DEPDC1: variants seen among roughly 807,000 people sequenced by gnomAD.
DEPDC1 encodes the protein DEP domain-containing protein 1A.
In DEPDC1, 66 loss-of-function variants were observed where a neutral mutation model predicts 86.8. The observed-to-expected ratio is 0.76, with a 90% CI of 0.62 to 0.93. DEPDC1 has a LOEUF of 0.93. Ranked by LOEUF, DEPDC1 falls within the 40% of genes least tolerant of loss-of-function variation. The pLI, the probability that DEPDC1 is intolerant of heterozygous loss-of-function variation, is 0.00. For missense variants in DEPDC1, 792 were observed against 935.7 expected (o/e 0.85, Z 2.00); for synonymous variants, 255 against 314.9 (o/e 0.81, Z 2.02).
chr1:68,489,698 C>G (rs1316388431), intron 2 of DEPDC1, 90 bp from the exon 3 acceptor site: 9 of 953,548 alleles, frequency 9.4e-6, no homozygotes, highest in Non-Finnish European at 1.4e-5. Context: ...CATAAAGAGC[C>G]TGACTTATTA....
At chr1:68,490,631 T>C (rs1646223475) in intron 2 of DEPDC1, among the ~76,000 whole-genome samples, 1 of 152,130 alleles carries the variant, frequency 6.6e-6, no homozygotes, top group South Asian at 2.1e-4. Context: ...AAAGGGATTG[T>C]TAGGTTAAAT....
intron 7 of DEPDC1, chr1:68,483,127 A>G (rs921908612): frequency 3.6e-6 from 2 of 559,914 alleles, no homozygotes; most frequent in African/African-American, 3.8e-5. Context: ...ATAACTTTAA[A>G]AAATTATTTC....
chr1:68,478,106 T>G, intron 10 of DEPDC1, 134 bp from the exon 11 acceptor site: 1 of 554,272 alleles, frequency 1.8e-6, no homozygotes, highest in Non-Finnish European at 2.8e-6. Context: ...AACTATGTAT[T>G]ATGCAGTAGA....
chr1:68,492,594 C>T (rs745794990), intron 2 of DEPDC1, among the ~76,000 whole-genome samples: 3 of 152,088 alleles, frequency 2.0e-5, no homozygotes, highest in Non-Finnish European at 4.4e-5. Context: ...GTAGTCCCCA[C>T]TACTTTGGAG....
intron 10 of DEPDC1, among the ~76,000 whole-genome samples, chr1:68,478,634 C>T (rs1278748851): frequency 6.6e-6 from 1 of 151,864 alleles, no homozygotes; most frequent in Non-Finnish European, 1.5e-5. Context: ...ATTTTGGCTG[C>T]TCAGTATTCC....
At position 68,494,571 on chromosome 1, in the gene DEPDC1, C is replaced by T. The variant is rs1231880015; in HGVS notation, c.173G>A (p.Arg58Lys). ...EAVDWLYDLLRNNSNFGPEVT... is the reference protein window; with the variant it reads ...EAVDWLYDLLKNNSNFGPEVT... ...TTCAGGACCAAAATTGCTATTATTT[C>T]TTAATAGGTCATAAAGCCAATCCAC... Residue 58 changes from arginine to lysine, a missense_variant, in exon 2 of 12, where the codon AGA becomes AAA. By Grantham distance (26) the Arg-to-Lys change is conservative. Coordinates refer to ENST00000456315, the MANE Select transcript of DEPDC1 (RefSeq NM_001114120.3). The T allele has an allele frequency of 6.2e-7, 1 of 1,613,730 alleles. No individual in the cohort carries two copies.
chr1:68,477,966 T>A lies in DEPDC1; in HGVS notation c.2119A>T (p.Asn707Tyr). ...LDYLKKGHIE[N>Y]PGDGLFAPLP... ...GGAGCAAATAGTCCATCTCCAGGATTTTCAATCTGTAGTGATCAAAATGAT... is the reference window on the plus strand; with the variant it reads ...GGAGCAAATAGTCCATCTCCAGGATATTCAATCTGTAGTGATCAAAATGAT... Residue 707 changes from asparagine (N) to tyrosine (Y), a missense_variant, in exon 11 of 12, where the codon AAT becomes TAT. Physicochemically the swap from Asn to Tyr is moderately radical, Grantham distance 143 (BLOSUM62 -2). Coordinates refer to ENST00000456315, the MANE Select transcript of DEPDC1 (RefSeq NM_001114120.3). The A allele has an allele frequency of 6.5e-7, 1 of 1,541,312 alleles. No homozygotes were observed.
Position 68,494,579 on chromosome 1 carries a change from G to A in DEPDC1, c.165C>T (p.Asp55=). The change falls in exon 2 of 12, where the codon GAC becomes GAT. Residue 55 remains aspartate, a synonymous_variant. Transcript: ENST00000456315. ...CAAAATTGCTATTATTTCTTAATAG[G>A]TCATAAAGCCAATCCACTGCTTCTC... is the stretch of plus-strand genomic sequence containing the variant. ...TAGEAVDWLY[D]LLRNNSNFGP... 6.2e-7 allele frequency: 1 copy of A among 1,613,672 alleles called. No individual in the cohort carries two copies. The highest frequency in any genetic ancestry group is 8.5e-7 in the Non-Finnish European group (1 of 1,179,768).
intron 1 of DEPDC1, 123 bp from the exon 2 acceptor site, chr1:68,494,818 A>G: frequency 1.2e-6 from 1 of 841,874 alleles, no homozygotes; most frequent in Non-Finnish European, 1.8e-6. Context: ...AAAATTCTTG[A>G]AGAATCATTC....
chr1:68,481,810 T>G, intron 8 of DEPDC1, 198 bp from the exon 9 acceptor site: 1 of 620,770 alleles, frequency 1.6e-6, no homozygotes, highest in Non-Finnish European at 2.5e-6. Flanking sequence ...GTATTAAAAT[T>G]CTTCACTTAT....
Position 68,475,429 on chromosome 1 carries a change from T to C in DEPDC1, c.*1503A>G, listed in dbSNP as rs1231232267. 1.3e-5 allele frequency: 2 copies of C among 151,872 alleles called. No individual in the cohort carries two copies. Among genetic ancestry groups the C allele is most frequent in the Admixed American group, 1.3e-4 (2 of 15,216 alleles). The allele number at this position is 151,872 out of a possible 1,614,324, so 9.4% of individuals were successfully genotyped here. On this transcript the variant is annotated 3_prime_UTR_variant, in exon 12 of 12. Transcript: ENST00000456315. ...ATTCAAATGCCTTAGAAAGAATTCA[T>C]TTTGGTTCAATAATTTTATAGCCAG...
At chr1:68,489,366 T>C (rs1646214151) in intron 3 of DEPDC1, 86 bp downstream of exon 3, 7 of 999,578 alleles carry the variant, frequency 7.0e-6, no homozygotes, top group Non-Finnish European at 6.9e-6. Flanking sequence ...GCTTTAAATA[T>C]TAAAGAATAA....
chr1:68,489,341 G>C (rs1646213889), intron 3 of DEPDC1, 111 bp downstream of exon 3: 4 of 708,192 alleles, frequency 5.6e-6, no homozygotes, highest in Non-Finnish European at 6.5e-6. Context: ...TGTAGGTTAG[G>C]AGGTTTCAGT....
intron 6 of DEPDC1, among the ~76,000 whole-genome samples, chr1:68,485,690 T>TGGACTATTCCAGGTATAG (rs1646188525): frequency 6.6e-6 from 1 of 152,124 alleles, no homozygotes; most frequent in Admixed American, 6.6e-5. Context: ...GAGGAATAGC[T>TGGACTATTCCAGGTATAG]AACTATACCT....
intron 6 of DEPDC1, among the ~76,000 whole-genome samples, chr1:68,486,137 C>T (rs1003306913): frequency 1.3e-5 from 2 of 152,024 alleles, no homozygotes; most frequent in Admixed American, 6.6e-5. Context: ...TGGATCTGTC[C>T]TCACCCAAAT....
At position 68,474,495 on chromosome 1, in the gene DEPDC1, G is replaced by C. The variant is rs1646101790; in HGVS notation, c.*2437C>G. 1 of 152,000 alleles carries C rather than the reference G, an allele frequency of 6.6e-6. No individual in the cohort carries two copies. The allele number at this position is 152,000 out of a possible 1,614,324, so 9.4% of individuals were successfully genotyped here. A position where few individuals can be genotyped will look rare whatever the true frequency, so the allele number is the denominator to read the frequency against. On this transcript the variant is annotated 3_prime_UTR_variant, in exon 12 of 12. Transcript: ENST00000456315. ...GGATGGTGGAGGCAGTAATTTCTGG[G>C]ATAAGAACTATAATTTACAGAATAA...
Position 68,488,379 on chromosome 1 carries a change from T to C in DEPDC1, c.716A>G (p.Lys239Arg). The change falls in exon 5 of 12, where the codon AAA becomes AGA. Residue 239 changes from lysine (K) to arginine (R), a missense_variant. Coordinates refer to ENST00000456315, the MANE Select transcript of DEPDC1 (RefSeq NM_001114120.3). ...SKRGVVILQNKSDDLPHWVLS... is the reference protein window; with the variant it reads ...SKRGVVILQNRSDDLPHWVLS... ...ATTATTTTATTAATACCAACCTGAT[T>C]TGTTTTGTAGTATAACTACTCCACG... 6.3e-7 allele frequency: 1 copy of C among 1,579,338 alleles called. No individual in the cohort carries two copies. Among genetic ancestry groups the C allele is most frequent in the African/African-American group, 1.4e-5 (1 of 72,662 alleles).
intron 6 of DEPDC1, among the ~76,000 whole-genome samples, chr1:68,485,403 C>G (rs1238173914): frequency 1.3e-5 from 2 of 152,022 alleles, no homozygotes; most frequent in Admixed American, 6.6e-5. Context: ...TTGGCTTTCT[C>G]TGTTGGAAAA....
chr1:68,494,679 G>A lies in DEPDC1; in HGVS notation c.65C>T (p.Thr22Ile). The change falls in exon 2 of 12, where the codon ACA (threonine) becomes ATA (isoleucine). Residue 22 changes from threonine (T) to isoleucine (I), a missense_variant. Physicochemically the swap from Thr to Ile is moderately conservative, Grantham distance 89 (BLOSUM62 -1). Coordinates refer to ENST00000456315, the MANE Select transcript of DEPDC1 (RefSeq NM_001114120.3). ...TAGAGGCATTCCTGCTCGAAAAGAT[G>A]TGGTAACTTCATTCCACTGTAAAAA... Reference protein sequence around the residue: ...RATKLWNEVTTSFRAGMPLRK... With the variant: ...RATKLWNEVTISFRAGMPLRK... The A allele has an allele frequency of 6.2e-7, 1 of 1,613,050 alleles. No individual in the cohort carries two copies.
Sources: allele counts gnomAD v4.1 joint callset (sites outside exome capture counted in the v4.1 genomes callset), GRCh38; gene constraint gnomAD v4.1.1; transcripts MANE v1.5; gene names NCBI Gene and HGNC (gene_info 2026-07-23, HGNC 2026-07-21).